Variants in KCNAB1 observed in about 807,000 individuals in gnomAD.
KCNAB1 encodes potassium voltage-gated channel subfamily A regulatory beta subunit 1, also known as voltage-gated potassium channel subunit beta-1.
In KCNAB1, 35 loss-of-function variants were observed where a neutral mutation model predicts 64.6. That is an observed-to-expected ratio of 0.54 (90% CI 0.41 to 0.72). KCNAB1 has a LOEUF of 0.72. Among genes scored for constraint, KCNAB1 ranks in the 30% least tolerant of loss-of-function variants. KCNAB1 has a pLI of 0.00. For missense variants in KCNAB1, 401 were observed against 512.9 expected, an observed-to-expected ratio of 0.78 and a Z score of 2.11; for synonymous variants, 177 against 183.8, an observed-to-expected ratio of 0.96 and a Z score of 0.30.
intron 2 of KCNAB1, among the ~76,000 whole-genome samples, chr3:156,423,937 A>G (rs977307932): frequency 2.0e-5 from 3 of 152,182 alleles, no homozygotes; most frequent in African/African-American, 7.2e-5. Context: ...CATTAGAGAC[A>G]GTGGTTGGAA....
At chr3:156,210,195 G>A (rs1301122157) in intron 1 of KCNAB1, among the ~76,000 whole-genome samples, 1 of 152,140 alleles carries the variant, frequency 6.6e-6, no homozygotes, top group Admixed American at 6.5e-5. Flanking sequence ...CGCTGACCAG[G>A]AATGCCTCTG....
downstream of KCNAB1, chr3:156,539,048 T>G (rs1424206814): frequency 6.6e-6 from 1 of 152,114 alleles, no homozygotes; most frequent in Non-Finnish European, 1.5e-5. Flanking sequence ...AGTTATGTCC[T>G]TAAGAAAAAA....
rs367564252 is a variant in KCNAB1 at position 156,398,723 on chromosome 3, T to TTA, written c.276-22877_276-22876dup. Among the ~76,000 whole-genome samples the TTA allele has an allele frequency of 8.7e-3, 1,300 of 149,208 alleles. 16 individuals carry two copies. The highest frequency in any genetic ancestry group is 0.024 in the African/African-American group (980 of 40,844). ...AGCACATGTATCCCAGAACTTAAAGTTATATATATATATATATTTACTAAT... is the reference window on the plus strand; with the variant it reads ...AGCACATGTATCCCAGAACTTAAAGTTATATATATATATATATATTTACTAAT... On this transcript the variant is annotated intron_variant, in intron 1 of 13. Coordinates refer to ENST00000490337, the MANE Select transcript of KCNAB1 (RefSeq NM_172160.3).
At chr3:156,271,404 G>A (rs1310824047) in intron 1 of KCNAB1, among the ~76,000 whole-genome samples, 1 of 151,926 alleles carries the variant, frequency 6.6e-6, no homozygotes, top group Non-Finnish European at 1.5e-5. Flanking sequence ...CTTTGACTGT[G>A]TATTTTTAAA....
At chr3:156,219,824 CG>C (rs1715589075) in intron 1 of KCNAB1, among the ~76,000 whole-genome samples, 1 of 151,892 alleles carries the variant, frequency 6.6e-6, no homozygotes, top group Admixed American at 6.6e-5. Flanking sequence ...CCCATCAACT[CG>C]TCATTTACAT....
chr3:156,466,554 G>A (rs1174856204), intron 7 of KCNAB1, among the ~76,000 whole-genome samples: 1 of 151,648 alleles, frequency 6.6e-6, no homozygotes, highest in Non-Finnish European at 1.5e-5. Context: ...TGGGGTACGA[G>A]TAGTTTTTGG....
intron 1 of KCNAB1, among the ~76,000 whole-genome samples, chr3:156,223,584 A>G (rs867608340): frequency 6.6e-6 from 1 of 152,114 alleles, no homozygotes; most frequent in Admixed American, 6.5e-5. Context: ...TGCATTTACA[A>G]ACCTTGAGCT....
intron 2 of KCNAB1, among the ~76,000 whole-genome samples, chr3:156,442,594 A>T (rs1233573098): frequency 6.6e-6 from 1 of 152,194 alleles, no homozygotes; most frequent in East Asian, 1.9e-4. Context: ...TCAATCCCAG[A>T]TGTTTAACCC....
At chr3:156,392,791 C>T (rs561065079) in intron 1 of KCNAB1, among the ~76,000 whole-genome samples, 7 of 152,310 alleles carry the variant, frequency 4.6e-5, no homozygotes, top group South Asian at 2.1e-4. Context: ...ACCATCCTTA[C>T]GTTCCTGATG....
rs9812862 is a variant in KCNAB1 at position 156,120,848 on chromosome 3, C to T, written c.237C>T (p.Ser79=). ...NWYLKLCDLS[S]EHTTVCTTGM... ...ACCTAAAGCTCTGCGACCTGTCCAGCGAGCACACCACCGTCTGCACCACAG... is the reference window on the plus strand; with the variant it reads ...ACCTAAAGCTCTGCGACCTGTCCAGTGAGCACACCACCGTCTGCACCACAG... Residue 79 remains serine, a synonymous_variant, in exon 1 of 14, where the codon AGC becomes AGT. Transcript: ENST00000490337. The T allele has an allele frequency of 2.9e-3, 4,698 of 1,614,154 alleles. 126 individuals carry two copies. The African/African-American group carries it at 0.055, about 19-fold the overall frequency.
At chr3:156,514,005 C>T (rs1347323572) in intron 8 of KCNAB1, among the ~76,000 whole-genome samples, 1 of 152,156 alleles carries the variant, frequency 6.6e-6, no homozygotes, top group African/African-American at 2.4e-5. Flanking sequence ...TTACTTCTCA[C>T]TTTAGTCGGG....
At chr3:156,223,847 C>A (rs1715957734) in intron 1 of KCNAB1, among the ~76,000 whole-genome samples, 1 of 152,232 alleles carries the variant, frequency 6.6e-6, no homozygotes, top group Non-Finnish European at 1.5e-5. Flanking sequence ...CAGCTGGCTT[C>A]ACCCAGTGTA....
chr3:156,444,959 T>C (rs1219809388), intron 2 of KCNAB1, among the ~76,000 whole-genome samples: 1 of 152,116 alleles, frequency 6.6e-6, no homozygotes, highest in Admixed American at 6.5e-5. Flanking sequence ...AAAATAGAGA[T>C]GGCAGCAATT....
At chr3:156,395,647 T>A (rs141401855) in intron 1 of KCNAB1, among the ~76,000 whole-genome samples, 1 of 148,218 alleles carries the variant, frequency 6.7e-6, no homozygotes. Context: ...AGGAAGCTAG[T>A]GCTGCAAATT....
intron 1 of KCNAB1, among the ~76,000 whole-genome samples, chr3:156,258,608 A>G (rs1718241744): frequency 6.6e-6 from 1 of 152,308 alleles, no homozygotes; most frequent in Admixed American, 6.5e-5. Context: ...CCTCCTCCAC[A>G]TGACAGCCTT....
intron 1 of KCNAB1, among the ~76,000 whole-genome samples, chr3:156,193,805 G>A (rs1169901134): frequency 6.6e-6 from 1 of 152,132 alleles, no homozygotes; most frequent in African/African-American, 2.4e-5. Context: ...AGATTTGGGT[G>A]GGGACACAGC....
intron 1 of KCNAB1, among the ~76,000 whole-genome samples, chr3:156,407,276 TC>T (rs1465562434): frequency 6.6e-6 from 1 of 152,176 alleles, no homozygotes; most frequent in Non-Finnish European, 1.5e-5. Context: ...GAAATTCTCT[TC>T]CCCAAGGTAT....
chr3:156,468,839 G>A (rs1713637836), intron 7 of KCNAB1, among the ~76,000 whole-genome samples: 1 of 152,166 alleles, frequency 6.6e-6, no homozygotes, highest in Admixed American at 6.5e-5. Context: ...TCCCTGCTCA[G>A]GCCTTAGTGT....
chr3:156,433,545 G>A (rs963978301), intron 2 of KCNAB1, among the ~76,000 whole-genome samples: 3 of 152,104 alleles, frequency 2.0e-5, no homozygotes, highest in Non-Finnish European at 4.4e-5. Flanking sequence ...GAGAACACAA[G>A]GAAAAGAACA....
Sources: gnomAD v4.1 joint callset for allele counts (sites outside exome capture counted in the v4.1 genomes callset) on GRCh38, gnomAD v4.1.1 for gene constraint, MANE v1.5 for transcripts, NCBI Gene and HGNC (gene_info 2026-07-23, HGNC 2026-07-21) for gene names.